The following NPLOC4 variants were observed in gnomAD, a reference collection of about 807,000 sequenced individuals.
The protein encoded by NPLOC4 is NPL4 homolog, ubiquitin recognition factor.
NPLOC4 carries 18 observed loss-of-function variants against 80.6 expected under a neutral mutation model. That is an observed-to-expected ratio of 0.22 (90% CI 0.15 to 0.33). The LOEUF is 0.33. NPLOC4 is among the 10% of genes least tolerant of loss of function. The pLI, the probability that NPLOC4 is intolerant of heterozygous loss-of-function variation, is 1.00. For synonymous variants in NPLOC4, 313 were observed against 301.5 expected (o/e 1.04, Z -0.39); for missense variants, 540 against 786.1 (o/e 0.69, Z 3.74).
Position 81,572,324 on chromosome 17 carries a change from G to C in NPLOC4, c.1282-236C>G, listed in dbSNP as rs922634346. On this transcript the variant is annotated intron_variant, in intron 12 of 16. Coordinates refer to ENST00000331134, the MANE Select transcript of NPLOC4 (RefSeq NM_017921.4). This position sits in a 1 kb window ranked among gnomAD's most constrained non-coding sequence, Gnocchi z 4.5. ...CTGCCTCAGCCTCCCAAGTAGCTGG[G>C]ACTACAGGCGCCCGCCACCACGCCC... Among the ~76,000 whole-genome samples, 2 of 151,886 alleles carry C rather than the reference G, an allele frequency of 1.3e-5. No homozygotes were observed. The highest frequency in any genetic ancestry group is 2.9e-5 in the Non-Finnish European group (2 of 67,984).
At position 81,577,546 on chromosome 17, in the gene NPLOC4, T is replaced by G. The variant is rs2034334523; in HGVS notation, c.1282-5458A>C. 6.6e-6 allele frequency among the ~76,000 whole-genome samples: 1 copy of G among 152,160 alleles called. No homozygotes were observed. The highest frequency in any genetic ancestry group is 2.1e-4 in the South Asian group (1 of 4,824). On this transcript the variant is annotated intron_variant, in intron 12 of 16. Transcript: ENST00000331134. The surrounding 1 kb of genome is among the most constrained non-coding windows in gnomAD (Gnocchi z 4.3). ...TCTCTTCTCCCTCTGAACCACGGCT[T>G]GGCTCATCTACTTCTGGGTTAATTT...
intron 1 of NPLOC4, among the ~76,000 whole-genome samples, chr17:81,636,135 A>C (rs1215988632): frequency 6.6e-6 from 1 of 152,004 alleles, no homozygotes; most frequent in African/African-American, 2.4e-5. Context: ...ACGCCCGGCT[A>C]ATTTTTTGTA....
chr17:81,598,041 G>A (rs1034417663), intron 9 of NPLOC4, among the ~76,000 whole-genome samples: 13 of 147,452 alleles, frequency 8.8e-5, no homozygotes, highest in Admixed American at 2.8e-4. Context: ...CTTGCAGTGA[G>A]CCGAGATTGC....
rs1426938203 is a variant in NPLOC4, at chr17:81,577,502, G to T, written c.1282-5414C>A. On this transcript the variant is annotated intron_variant, in intron 12 of 16. Transcript: ENST00000331134. The surrounding 1 kb of genome is among the most constrained non-coding windows in gnomAD (Gnocchi z 4.3). ...CCACAGCTTGGCTCATCTACTTCCG[G>T]GTTAGCTCAACGCACTCTTCTCTTC... 6.6e-6 allele frequency among the ~76,000 whole-genome samples: 1 copy of T among 151,622 alleles called. No individual in the cohort carries two copies. The highest frequency in any genetic ancestry group is 2.4e-5 in the African/African-American group (1 of 41,238).
intron 12 of NPLOC4, among the ~76,000 whole-genome samples, chr17:81,581,375 A>AAAAAAAAAAAGTC (rs1555680405): frequency 0.022 from 1,592 of 72,820 alleles, 509 homozygotes; most frequent in Admixed American, 0.042. Context: ...AAAAAAAAAA[A>AAAAAAAAAAAGTC]AGTTAATAAA....
intron 3 of NPLOC4, among the ~76,000 whole-genome samples, chr17:81,618,669 C>T (rs1334071975): frequency 6.6e-6 from 1 of 151,204 alleles, no homozygotes; most frequent in African/African-American, 2.4e-5. Context: ...AAGTGAGGAG[C>T]CCCTCTGCCC....
intron 1 of NPLOC4, among the ~76,000 whole-genome samples, chr17:81,635,355 G>GT (rs894266524): frequency 3.7e-5 from 2 of 54,534 alleles, no homozygotes; most frequent in Non-Finnish European, 5.8e-5. Flanking sequence ...ATAAAATAAG[G>GT]TTAAAAAAAA....
At position 81,613,329 on chromosome 17, in the gene NPLOC4, T is replaced by C; in HGVS notation, c.375A>G (p.Arg125=). Reference sequence around the variant, plus strand: ...CATGGATCACTTACAGCTGTGGGTCTCGGCTTCTGTAAATCTTCCCGTCCT... The same window carrying C: ...CATGGATCACTTACAGCTGTGGGTCCCGGCTTCTGTAAATCTTCCCGTCCT... ...SKQDGKIYRS[R]DPQLCRHGPL... Residue 125 remains arginine, a synonymous_variant, in exon 4 of 17, where the codon CGA becomes CGG. Transcript: ENST00000331134. 1 of 1,613,724 alleles carries C rather than the reference T, an allele frequency of 6.2e-7. No individual in the cohort carries two copies. The highest frequency in any genetic ancestry group is 1.1e-5 in the South Asian group (1 of 91,024).
intron 3 of NPLOC4, among the ~76,000 whole-genome samples, chr17:81,619,346 T>C (rs1004574422): frequency 1.1e-4 from 17 of 151,080 alleles, no homozygotes; most frequent in African/African-American, 3.9e-4. Context: ...CACTGGACTC[T>C]AGCCTGGGCA....
At chr17:81,603,409 A>C (rs1205594012) in intron 8 of NPLOC4, among the ~76,000 whole-genome samples, 1 of 152,096 alleles carries the variant, frequency 6.6e-6, no homozygotes, top group Non-Finnish European at 1.5e-5. Flanking sequence ...CAACCTGGGC[A>C]ATATAGCGAG....
chr17:81,592,459 G>C (rs1046000901), intron 11 of NPLOC4, among the ~76,000 whole-genome samples: 4 of 152,012 alleles, frequency 2.6e-5, no homozygotes, highest in African/African-American at 7.2e-5. Context: ...AGACACAAAG[G>C]GGCTGTCACT....
intron 4 of NPLOC4, among the ~76,000 whole-genome samples, chr17:81,611,935 G>A (rs1361804499): frequency 1.4e-5 from 2 of 147,960 alleles, no homozygotes; most frequent in East Asian, 4.0e-4. Flanking sequence ...ACTCCAGCCT[G>A]GGTGACAGAG....
chr17:81,606,608 A>G, intron 7 of NPLOC4, 83 bp downstream of exon 7: 2 of 1,463,136 alleles, frequency 1.4e-6, no homozygotes, highest in Non-Finnish European at 1.9e-6. Context: ...TAGTGCTAAT[A>G]GCATTCCACT....
chr17:81,566,787 T>G (rs2034024655), intron 15 of NPLOC4: 1 of 152,408 alleles, frequency 6.6e-6, no homozygotes, highest in Non-Finnish European at 1.5e-5. Context: ...CATTTCCTGT[T>G]GGCTTGAACA....
rs756658016 is a variant in NPLOC4, at chr17:81,572,083, T to C, written c.1287A>G (p.Val429=). Reference sequence around the variant, plus strand: ...GGGTGATCTCGTTGCCAAACTTGTCTACGTCCTGCAATAGTCAGAGGGGAA... The same window carrying C: ...GGGTGATCTCGTTGCCAAACTTGTCCACGTCCTGCAATAGTCAGAGGGGAA... The part of the protein sequence containing the change: ...QYVPDVFYKD[V]DKFGNEITQL... Residue 429 remains valine, a synonymous_variant, in exon 13 of 17, where the codon GTA becomes GTG. Transcript: ENST00000331134. The surrounding 1 kb of genome is among the most constrained non-coding windows in gnomAD (Gnocchi z 4.5). The C allele has an allele frequency of 3.1e-6, 5 of 1,608,364 alleles. No individual in the cohort carries two copies. The East Asian group carries it at 6.7e-5, about 22-fold the overall frequency.
At chr17:81,625,056 CAG>C (rs1250664831) in intron 2 of NPLOC4, among the ~76,000 whole-genome samples, 4 of 152,230 alleles carry the variant, frequency 2.6e-5, no homozygotes, top group Admixed American at 6.5e-5. Context: ...TGGGCTGAGA[CAG>C]GGGATGAGAT....
chr17:81,569,798 A>T (rs1413113219), intron 13 of NPLOC4, among the ~76,000 whole-genome samples: 1 of 152,214 alleles, frequency 6.6e-6, no homozygotes, highest in Admixed American at 6.5e-5. Flanking sequence ...ATGACAACAG[A>T]GGGCACTTTG....
chr17:81,577,142 C>G lies in NPLOC4; in HGVS notation c.1282-5054G>C, dbSNP rs934144706. ...GCAGTGGGTTCCTCAGAGATACCCT[C>G]TGGCCCCTCCACAGCTGGCTCCTTG... On this transcript the variant is annotated intron_variant, in intron 12 of 16. Coordinates refer to ENST00000331134, the MANE Select transcript of NPLOC4 (RefSeq NM_017921.4). This position sits in a 1 kb window ranked among gnomAD's most constrained non-coding sequence, Gnocchi z 4.3. 6.6e-6 allele frequency among the ~76,000 whole-genome samples: 1 copy of G among 152,144 alleles called. No homozygotes were observed. The highest frequency in any genetic ancestry group is 1.5e-5 in the Non-Finnish European group (1 of 68,020).
intron 3 of NPLOC4, 32 bp downstream of exon 3, chr17:81,622,134 C>G: frequency 6.6e-7 from 1 of 1,515,026 alleles, no homozygotes; most frequent in Non-Finnish European, 9.2e-7. Context: ...CATTTCCCCC[C>G]ATTCCCTGCT....
Sources: gnomAD v4.1 joint callset for allele counts (sites outside exome capture counted in the v4.1 genomes callset) on GRCh38, gnomAD v4.1.1 for gene constraint, Gnocchi (gnomAD v3.1) non-coding constraint, MANE v1.5 for transcripts, NCBI Gene and HGNC (gene_info 2026-07-23, HGNC 2026-07-21) for gene names.